The following MYO16 variants were observed in gnomAD, a reference collection of about 807,000 sequenced individuals.
MYO16 encodes the protein unconventional myosin-XVI.
Under a neutral mutation model 205.3 loss-of-function variants are expected in MYO16, and 94 were observed. The ratio of observed to expected loss-of-function variants is 0.46; its 90% CI spans 0.39 to 0.54. MYO16 has a LOEUF of 0.54. MYO16 is among the 20% of genes least tolerant of loss of function. The pLI, the probability that MYO16 is intolerant of heterozygous loss-of-function variation, is 0.00. For missense variants in MYO16, 2,315 were observed against 2,387.5 expected, an observed-to-expected ratio of 0.97 and a Z score of 0.63; for synonymous variants, 988 against 954.0, an observed-to-expected ratio of 1.04 and a Z score of -0.66.
At chr13:108,976,264 ATCTC>A (rs148261323) in intron 20 of MYO16, among the ~76,000 whole-genome samples, 2 of 151,104 alleles carry the variant, frequency 1.3e-5, no homozygotes, top group East Asian at 3.9e-4. Context: ...GTGAAGTTTT[ATCTC>A]TCTCTCTCTC....
chr13:108,933,196 T>A (rs1211332439), intron 16 of MYO16, among the ~76,000 whole-genome samples: 1 of 152,076 alleles, frequency 6.6e-6, no homozygotes, highest in Non-Finnish European at 1.5e-5. Context: ...TGGAGTGCAT[T>A]GCTATTGGAG....
intron 27 of MYO16, among the ~76,000 whole-genome samples, chr13:109,099,606 C>A (rs1430558257): frequency 6.6e-6 from 1 of 152,122 alleles, no homozygotes; most frequent in Non-Finnish European, 1.5e-5. Context: ...AACGTAGGGA[C>A]CTTGAGATAC....
chr13:109,037,160 G>A (rs1886744961), intron 23 of MYO16, among the ~76,000 whole-genome samples: 2 of 152,168 alleles, frequency 1.3e-5, no homozygotes, highest in African/African-American at 4.8e-5. Context: ...ATCTCACTAG[G>A]CTCTGAGGCT....
intron 32 of MYO16, among the ~76,000 whole-genome samples, chr13:109,164,401 TA>T (rs1878540089): frequency 6.6e-6 from 1 of 152,224 alleles, no homozygotes; most frequent in Admixed American, 6.5e-5. Flanking sequence ...GTAATTATCT[TA>T]GTGTGCAGAA....
intron 6 of MYO16, among the ~76,000 whole-genome samples, chr13:108,803,120 A>G (rs748388358): frequency 1.1e-4 from 17 of 152,076 alleles, no homozygotes; most frequent in Admixed American, 3.9e-4. Context: ...AGTTAGAAAA[A>G]CCTTTCTGGA....
chr13:109,038,498 G>A (rs1886784017), intron 23 of MYO16, among the ~76,000 whole-genome samples: 1 of 152,066 alleles, frequency 6.6e-6, no homozygotes, highest in Admixed American at 6.6e-5. Flanking sequence ...TTGGCTCTCT[G>A]GCTGTCAGGC....
the MYO16 span, among the ~76,000 whole-genome samples, chr13:108,548,366 G>T: frequency 6.6e-6 from 1 of 151,474 alleles, no homozygotes; most frequent in Non-Finnish European, 1.5e-5. Context: ...GATGATGATG[G>T]TGGTAGCAGT....
chr13:108,562,541 G>A, the MYO16 span, among the ~76,000 whole-genome samples: 3,040 of 152,158 alleles, frequency 0.02, 70 homozygotes, highest in South Asian at 0.088. Context: ...CCACTTCTGG[G>A]AAACTTACTA....
At chr13:108,762,960 T>C (rs201535037) in intron 4 of MYO16, among the ~76,000 whole-genome samples, 1 of 146,562 alleles carries the variant, frequency 6.8e-6, no homozygotes, top group African/African-American at 2.5e-5. Context: ...TAAACACCAA[T>C]TAATATTTTA....
At chr13:108,841,461 C>T (rs570173658) in intron 9 of MYO16, among the ~76,000 whole-genome samples, 1 of 152,092 alleles carries the variant, frequency 6.6e-6, no homozygotes, top group South Asian at 2.1e-4. Context: ...TGTACAAATC[C>T]TAGAGTAAAA....
chr13:108,840,591 A>G (rs1455798324), intron 9 of MYO16, among the ~76,000 whole-genome samples: 2 of 152,172 alleles, frequency 1.3e-5, no homozygotes, highest in African/African-American at 4.8e-5. Context: ...AGGCTGGAGC[A>G]TACTGATGCA....
intron 9 of MYO16, among the ~76,000 whole-genome samples, chr13:108,833,186 A>G (rs1876717131): frequency 6.6e-6 from 1 of 152,102 alleles, no homozygotes. Flanking sequence ...AGTTCAGCCA[A>G]TGACACATTG....
chr13:108,883,483 A>G (rs1435580357), intron 13 of MYO16, among the ~76,000 whole-genome samples: 4 of 152,214 alleles, frequency 2.6e-5, no homozygotes, highest in Admixed American at 2.6e-4. Flanking sequence ...ACATGGAGAA[A>G]GAAAAACTAC....
chr13:108,664,925 G>A (rs55938217), intron 1 of MYO16, among the ~76,000 whole-genome samples: 10 of 152,278 alleles, frequency 6.6e-5, no homozygotes, highest in East Asian at 1.9e-4. Flanking sequence ...AACAAGAACC[G>A]TAGCAGCCAA....
intron 12 of MYO16, among the ~76,000 whole-genome samples, chr13:108,870,181 A>G (rs1878977534): frequency 6.6e-6 from 1 of 152,016 alleles, no homozygotes; most frequent in Non-Finnish European, 1.5e-5. Flanking sequence ...AATTGTTGAT[A>G]TGAATATTTT....
chr13:108,870,030 C>A (rs1251073035), intron 12 of MYO16, among the ~76,000 whole-genome samples: 1 of 150,980 alleles, frequency 6.6e-6, no homozygotes, highest in African/African-American at 2.4e-5. Flanking sequence ...AGTAATTAAA[C>A]CTTAAGAATA....
intron 1 of MYO16, among the ~76,000 whole-genome samples, chr13:108,606,574 C>T (rs947596993): frequency 4.6e-5 from 7 of 152,202 alleles, no homozygotes; most frequent in African/African-American, 1.7e-4. Flanking sequence ...CTCCACCTTG[C>T]TTTCAGAGGA....
intron 9 of MYO16, among the ~76,000 whole-genome samples, chr13:108,827,036 ATTGT>A (rs1478523439): frequency 6.6e-6 from 1 of 152,148 alleles, no homozygotes; most frequent in Non-Finnish European, 1.5e-5. Flanking sequence ...TCCTAGGGGC[ATTGT>A]TTATCTCCCA....
At chr13:109,178,684 G>T (rs1043829861) in intron 33 of MYO16, among the ~76,000 whole-genome samples, 1 of 152,144 alleles carries the variant, frequency 6.6e-6, no homozygotes, top group Non-Finnish European at 1.5e-5. Flanking sequence ...CTCAGCCCGT[G>T]TAGGAGGGGA....
Sources: allele counts gnomAD v4.1 joint callset (sites outside exome capture counted in the v4.1 genomes callset), GRCh38; gene constraint gnomAD v4.1.1; transcripts MANE v1.5; gene names NCBI Gene and HGNC (gene_info 2026-07-23, HGNC 2026-07-21).